Variants in CNTLN observed in about 807,000 individuals in gnomAD.
CNTLN encodes centlein, centrosomal protein.
Under a neutral mutation model 180.0 loss-of-function variants are expected in CNTLN, and 212 were observed. That is an observed-to-expected ratio of 1.18 (90% CI 1.05 to 1.32). The LOEUF (loss-of-function observed/expected upper bound fraction) is 1.32. CNTLN is among the 40% of genes most tolerant of loss of function. The pLI is 0.00. For synonymous variants in CNTLN, 722 were observed against 563.1 expected (o/e 1.28, Z -3.99); for missense variants, 2,095 against 1,610.9 (o/e 1.30, Z -5.14).
rs879468473 is a variant in CNTLN at position 17,222,711 on chromosome 9, C to G, written c.450-3492C>G. 2.0e-4 allele frequency among the ~76,000 whole-genome samples: 30 copies of G among 151,954 alleles called. 1 individual carries two copies. Among genetic ancestry groups the G allele is most frequent in the Non-Finnish European group, 2.9e-4 (20 of 67,950 alleles). ...AAAACAGACTAATACATTAATATTG[C>G]TAAATCCAACAGTCATTTCTCAGTC... On this transcript the variant is annotated intron_variant, in intron 2 of 25. Transcript: ENST00000380647.
intron 5 of CNTLN, among the ~76,000 whole-genome samples, chr9:17,253,967 T>A (rs1826313125): frequency 6.6e-6 from 1 of 151,650 alleles, no homozygotes; most frequent in Admixed American, 6.6e-5. Context: ...GCCTAGTTTG[T>A]TGACAGTTTC....
In CNTLN at chr9:17,226,268, A is replaced by T; in HGVS notation, c.515A>T (p.Lys172Ile). 6.4e-7 allele frequency: 1 copy of T among 1,572,528 alleles called. No individual in the cohort carries two copies. Among genetic ancestry groups the T allele is most frequent in the East Asian group, 2.3e-5 (1 of 43,318 alleles). ...GAAATTCTGCAAGTCAAGGATGCCA[A>T]AATACAAGAATTTGAACAGGTTGGT... is the stretch of plus-strand genomic sequence containing the variant. ...VLEILQVKDA[K>I]IQEFEQRESV... The change falls in exon 3 of 26, where the codon AAA becomes ATA. Residue 172 changes from lysine (K) to isoleucine (I), a missense_variant. Lys to Ile is a moderately radical substitution (Grantham distance 102, BLOSUM62 -3). Coordinates refer to ENST00000380647, the MANE Select transcript of CNTLN (RefSeq NM_017738.4).
At chr9:17,203,991 C>G (rs1339746921) in intron 2 of CNTLN, among the ~76,000 whole-genome samples, 1 of 152,198 alleles carries the variant, frequency 6.6e-6, no homozygotes. Flanking sequence ...AGTTCTTGTG[C>G]TGTGTTTTTC....
chr9:17,385,629 C>G (rs1383765012), intron 13 of CNTLN, among the ~76,000 whole-genome samples: 1 of 152,074 alleles, frequency 6.6e-6, no homozygotes, highest in African/African-American at 2.4e-5. Context: ...GGTTCCACAT[C>G]CCTGGATTCA....
rs753888956 is a variant in CNTLN at position 17,366,582 on chromosome 9, A to G, written c.1887-35A>G. On this transcript the variant is annotated intron_variant, in intron 12 of 25. Transcript: ENST00000380647. ...GTTTGATTTTTTTAAATAAAACAAT[A>G]TGGTTTTAAGTAAATGTTTATTGCT... 9 of 1,021,112 alleles carry G rather than the reference A, an allele frequency of 8.8e-6. No individual in the cohort carries two copies. In the South Asian group the frequency reaches 1.2e-4, roughly 13 times the overall value. 63.3% of individuals were successfully genotyped at this position (1,021,112 alleles called of 1,614,324 possible).
intron 2 of CNTLN, among the ~76,000 whole-genome samples, chr9:17,215,107 C>A (rs1464121630): frequency 6.6e-6 from 1 of 152,202 alleles, no homozygotes; most frequent in East Asian, 1.9e-4. Context: ...GAGCTGCATT[C>A]CTTTGGAGGA....
At chr9:17,453,808 C>T (rs758590102) in intron 18 of CNTLN, among the ~76,000 whole-genome samples, 1 of 152,260 alleles carries the variant, frequency 6.6e-6, no homozygotes, top group East Asian at 1.9e-4. Context: ...ACTTGTAGCT[C>T]GTCTCATAAC....
At chr9:17,366,995 C>T (rs964651461) in intron 13 of CNTLN, among the ~76,000 whole-genome samples, 5 of 152,142 alleles carry the variant, frequency 3.3e-5, no homozygotes, top group Non-Finnish European at 7.3e-5. Flanking sequence ...TTAAGAACTA[C>T]CTACACACAC....
chr9:17,171,360 G>A (rs1820408067), intron 2 of CNTLN, among the ~76,000 whole-genome samples: 1 of 152,054 alleles, frequency 6.6e-6, no homozygotes, highest in African/African-American at 2.4e-5. Context: ...CTGGCTGGAT[G>A]AGGTGCCATG....
chr9:17,426,330 C>T (rs1401003114), intron 18 of CNTLN, among the ~76,000 whole-genome samples: 1 of 152,188 alleles, frequency 6.6e-6, no homozygotes, highest in Non-Finnish European at 1.5e-5. Flanking sequence ...GCTACCTCCA[C>T]ATTGGTTTTA....
chr9:17,424,373 C>T (rs1440440726), intron 18 of CNTLN, among the ~76,000 whole-genome samples: 2 of 152,064 alleles, frequency 1.3e-5, no homozygotes, highest in South Asian at 4.1e-4. Flanking sequence ...TTAAGACTAA[C>T]AGGATGTAAA....
chr9:17,277,698 G>A (rs1587460755), intron 6 of CNTLN, among the ~76,000 whole-genome samples: 1 of 152,026 alleles, frequency 6.6e-6, no homozygotes, highest in South Asian at 2.1e-4. Flanking sequence ...TACATGGTCA[G>A]TATATAAAAC....
chr9:17,383,553 TA>T (rs1825434863), intron 13 of CNTLN, among the ~76,000 whole-genome samples: 1 of 151,966 alleles, frequency 6.6e-6, no homozygotes, highest in South Asian at 2.1e-4. Flanking sequence ...AAATTATTTT[TA>T]AAACAAGCCA....
intron 2 of CNTLN, among the ~76,000 whole-genome samples, chr9:17,163,395 CAA>C (rs1819819701): frequency 6.6e-6 from 1 of 152,274 alleles, no homozygotes; most frequent in South Asian, 2.1e-4. Context: ...AAGAGTATAA[CAA>C]AGTACAAGTT....
downstream of CNTLN, among the ~76,000 whole-genome samples, chr9:17,506,350 G>T (rs1180139790): frequency 3.3e-5 from 5 of 152,038 alleles, no homozygotes; most frequent in African/African-American, 4.8e-5. Flanking sequence ...GCAAATCACT[G>T]ACAAAGGATT....
intron 15 of CNTLN, 142 bp downstream of exon 15, chr9:17,395,211 C>A: frequency 7.7e-7 from 1 of 1,295,032 alleles, no homozygotes; most frequent in Middle Eastern, 2.7e-4. Flanking sequence ...CTTGGGAGGT[C>A]TTGTTCTGAG....
intron 8 of CNTLN, among the ~76,000 whole-genome samples, chr9:17,329,085 C>T (rs1024192772): frequency 6.6e-6 from 1 of 151,948 alleles, no homozygotes. Flanking sequence ...TATTGACGAA[C>T]ACAAGTTTGC....
At chr9:17,234,847 G>A (rs1422012665) in intron 3 of CNTLN, among the ~76,000 whole-genome samples, 1 of 152,100 alleles carries the variant, frequency 6.6e-6, no homozygotes. Flanking sequence ...AAGAAGTTTA[G>A]GAAAGAGATA....
At chr9:17,437,198 C>G (rs979684651) in intron 18 of CNTLN, among the ~76,000 whole-genome samples, 1 of 152,142 alleles carries the variant, frequency 6.6e-6, no homozygotes, top group African/African-American at 2.4e-5. Flanking sequence ...ATTCCTATGT[C>G]CTGTCTTCTA....
Sources: gnomAD v4.1 joint callset for allele counts (sites outside exome capture counted in the v4.1 genomes callset) on GRCh38, gnomAD v4.1.1 for gene constraint, MANE v1.5 for transcripts, NCBI Gene and HGNC (gene_info 2026-07-23, HGNC 2026-07-21) for gene names.